COMMD1: variants seen among roughly 807,000 people sequenced by gnomAD.
The protein encoded by COMMD1 is COMM domain-containing protein 1.
A neutral mutation model predicts 17.2 loss-of-function variants in COMMD1; 10 were observed. That is an observed-to-expected ratio of 0.58 (90% CI 0.36 to 0.99). The LOEUF is 0.99. Among genes scored for constraint, COMMD1 ranks in the 50% least tolerant of loss-of-function variants. The probability of loss-of-function intolerance (pLI) is 0.01; values close to 1 mark genes in which losing one functional copy is unlikely to be tolerated. For missense variants in COMMD1, 270 were observed against 231.8 expected (o/e 1.17, Z -1.07); for synonymous variants, 97 against 91.6 (o/e 1.06, Z -0.34).
rs796308904 is a variant in COMMD1 at position 61,929,385 on chromosome 2, A to G, written c.180+23527A>G. On this transcript the variant is annotated intron_variant, in intron 1 of 2. Coordinates refer to ENST00000311832, the MANE Select transcript of COMMD1 (RefSeq NM_152516.4). ...TCATCTTGCTATCTGCAACTTTCAC[A>G]GAGAGGTGCCCTTCTTATACCTAGA... Among the ~76,000 whole-genome samples, 5 of 152,310 alleles carry G rather than the reference A, an allele frequency of 3.3e-5. No homozygotes were observed. In the South Asian group the frequency reaches 6.2e-4, roughly 19 times the overall value.
intron 2 of COMMD1, among the ~76,000 whole-genome samples, chr2:62,062,659 T>C (rs1670895906): frequency 1.3e-5 from 2 of 152,200 alleles, no homozygotes; most frequent in African/African-American, 4.8e-5. Context: ...AATTAATCCA[T>C]TACTTGCTAG....
chr2:62,022,591 A>ATTT (rs773031097), intron 2 of COMMD1, among the ~76,000 whole-genome samples: 1 of 134,340 alleles, frequency 7.4e-6, no homozygotes, highest in African/African-American at 2.7e-5. Flanking sequence ...TAGTTTCACC[A>ATTT]TTTTTTTTTT....
chr2:62,104,633 C>CAAAAAAAAAAAAA (rs35679940), intron 2 of COMMD1, among the ~76,000 whole-genome samples: 3 of 76,728 alleles, frequency 3.9e-5, no homozygotes, highest in African/African-American at 1.0e-4. Context: ...GACTCCGTCT[C>CAAAAAAAAAAAAA]AAAAAAAAAA....
intron 2 of COMMD1, among the ~76,000 whole-genome samples, chr2:62,027,095 C>T (rs1217468758): frequency 2.0e-5 from 3 of 152,052 alleles, no homozygotes; most frequent in Non-Finnish European, 2.9e-5. Context: ...AATTTTTATT[C>T]ACTTTTGTCA....
chr2:61,977,545 G>A (rs1007059977), intron 1 of COMMD1, among the ~76,000 whole-genome samples: 1 of 151,896 alleles, frequency 6.6e-6, no homozygotes, highest in Admixed American at 6.6e-5. Context: ...CGCCTGGCCA[G>A]TCTGCTAATT....
At chr2:62,062,228 T>G (rs1670880907) in intron 2 of COMMD1, among the ~76,000 whole-genome samples, 1 of 147,640 alleles carries the variant, frequency 6.8e-6, no homozygotes, top group African/African-American at 2.6e-5. Flanking sequence ...TTTTTTTTGT[T>G]TTTTTGTTTT....
intron 1 of COMMD1, among the ~76,000 whole-genome samples, chr2:61,959,586 A>G (rs1474759519): frequency 2.0e-5 from 3 of 152,218 alleles, no homozygotes; most frequent in Admixed American, 1.3e-4. Context: ...CAACTTTTCC[A>G]AAGACACACA....
At chr2:61,931,061 T>C (rs1558525651) in intron 1 of COMMD1, among the ~76,000 whole-genome samples, 2 of 152,044 alleles carry the variant, frequency 1.3e-5, no homozygotes, top group African/African-American at 4.8e-5. Context: ...CCTGTAATCC[T>C]CGCACTTTGG....
chr2:62,094,680 G>C (rs1363867788), intron 2 of COMMD1, among the ~76,000 whole-genome samples: 2 of 152,130 alleles, frequency 1.3e-5, no homozygotes, highest in Non-Finnish European at 2.9e-5. Context: ...TGAGGGGTAA[G>C]GGAACAGTCA....
At chr2:62,029,561 C>A (rs907786141) in intron 2 of COMMD1, among the ~76,000 whole-genome samples, 1 of 152,042 alleles carries the variant, frequency 6.6e-6, no homozygotes, top group Non-Finnish European at 1.5e-5. Context: ...AAGCAAATTC[C>A]AAAAATTATT....
chr2:62,055,076 T>C (rs1483171971), intron 2 of COMMD1, among the ~76,000 whole-genome samples: 2 of 152,184 alleles, frequency 1.3e-5, no homozygotes, highest in Non-Finnish European at 2.9e-5. Context: ...GTTGCTTGCA[T>C]ACTCATATCA....
chr2:61,941,504 A>G lies in COMMD1; in HGVS notation c.180+35646A>G, dbSNP rs189479456. On this transcript the variant is annotated intron_variant, in intron 1 of 2. Coordinates refer to ENST00000311832, the MANE Select transcript of COMMD1 (RefSeq NM_152516.4). ...TATTAGGTAGGAGAATATCCTGGTC[A>G]TTATAAAGCTAGTTCCATATGGCTT... is the stretch of plus-strand genomic sequence containing the variant. 4.9e-3 allele frequency among the ~76,000 whole-genome samples: 743 copies of G among 152,354 alleles called. 8 individuals are homozygous for G. The highest frequency in any genetic ancestry group is 0.016 in the African/African-American group (662 of 41,580).
chr2:62,096,258 C>T (rs1321509083), intron 2 of COMMD1, among the ~76,000 whole-genome samples: 1 of 152,112 alleles, frequency 6.6e-6, no homozygotes, highest in African/African-American at 2.4e-5. Context: ...TACTCTTCTC[C>T]ATATATTGGG....
intron 2 of COMMD1, among the ~76,000 whole-genome samples, chr2:62,132,182 C>A (rs948545809): frequency 6.6e-6 from 1 of 152,184 alleles, no homozygotes; most frequent in African/African-American, 2.4e-5. Flanking sequence ...CCACCACACC[C>A]GGCCTGGACT....
At position 61,905,859 on chromosome 2, in the gene COMMD1, G is replaced by T. The variant is rs1669758812; in HGVS notation, c.180+1G>T. On this transcript the variant is annotated splice_donor_variant, in intron 1 of 2. Transcript: ENST00000311832. LOFTEE classifies it high-confidence loss of function. ...GGCAAAGATGAGGGGGATTCTTAAGGTACTGCTCTTTTCTGTAGTCTCCGG... is the reference window on the plus strand; with the variant it reads ...GGCAAAGATGAGGGGGATTCTTAAGTTACTGCTCTTTTCTGTAGTCTCCGG... The T allele has an allele frequency of 6.2e-7, 1 of 1,614,130 alleles. No homozygotes were observed. The highest frequency in any genetic ancestry group is 8.5e-7 in the Non-Finnish European group (1 of 1,180,006).
intron 2 of COMMD1, among the ~76,000 whole-genome samples, chr2:62,082,458 C>T (rs559859748): frequency 7.9e-5 from 12 of 152,310 alleles, no homozygotes; most frequent in African/African-American, 2.6e-4. Context: ...CCTTAGATGA[C>T]GCACCCCATG....
At chr2:62,005,998 C>T (rs1432505246) in intron 2 of COMMD1, among the ~76,000 whole-genome samples, 16 of 151,912 alleles carry the variant, frequency 1.1e-4, no homozygotes, top group East Asian at 7.7e-4. Context: ...ATACACACCA[C>T]GGAATACTAT....
chr2:61,962,080 G>A (rs564485246), intron 1 of COMMD1, among the ~76,000 whole-genome samples: 39 of 152,148 alleles, frequency 2.6e-4, no homozygotes, highest in Admixed American at 2.4e-3. Context: ...AGTGATACAC[G>A]AAGAGGTTGA....
At chr2:61,981,408 G>C (rs1316844730) in intron 1 of COMMD1, among the ~76,000 whole-genome samples, 1 of 152,162 alleles carries the variant, frequency 6.6e-6, no homozygotes, top group Non-Finnish European at 1.5e-5. Context: ...TGAAGAGACT[G>C]TCTTTTCTCT....
Sources: allele counts gnomAD v4.1 joint callset (sites outside exome capture counted in the v4.1 genomes callset), GRCh38; gene constraint gnomAD v4.1.1; transcripts MANE v1.5; gene names NCBI Gene and HGNC (gene_info 2026-07-23, HGNC 2026-07-21).